LZTS1: variants seen among roughly 807,000 people sequenced by gnomAD.
The protein encoded by LZTS1 is leucine zipper tumor suppressor 1, also known as leucine zipper putative tumor suppressor 1.
A neutral mutation model predicts 45.8 loss-of-function variants in LZTS1; 31 were observed. The ratio of observed to expected loss-of-function variants is 0.68; its 90% CI spans 0.51 to 0.91. The LOEUF is 0.91. LZTS1 is among the 40% of genes least tolerant of loss of function. The probability of loss-of-function intolerance (pLI) is 0.00; values close to 1 mark genes in which losing one functional copy is unlikely to be tolerated. For missense variants in LZTS1, 821 were observed against 788.9 expected (o/e 1.04, Z -0.49); for synonymous variants, 359 against 357.3 (o/e 1.00, Z -0.05).
chr8:20,296,769 CT>C (rs1344246556), intron 1 of LZTS1, among the ~76,000 whole-genome samples: 1 of 152,128 alleles, frequency 6.6e-6, no homozygotes, highest in Non-Finnish European at 1.5e-5. Flanking sequence ...GAAGGCAGCC[CT>C]ATCTTCTCCC....
At chr8:20,260,860 T>A (rs1800213828) in intron 1 of LZTS1, among the ~76,000 whole-genome samples, 1 of 152,090 alleles carries the variant, frequency 6.6e-6, no homozygotes, top group African/African-American at 2.4e-5. Flanking sequence ...ACTCCCCAGG[T>A]CTTGACACAC....
intron 1 of LZTS1, among the ~76,000 whole-genome samples, chr8:20,281,648 G>T (rs1800696079): frequency 6.6e-6 from 1 of 152,130 alleles, no homozygotes; most frequent in Admixed American, 6.5e-5. Flanking sequence ...ACAAGAGCTG[G>T]TCATTGAAAA....
chr8:20,261,783 C>G (rs1220034632), intron 1 of LZTS1, among the ~76,000 whole-genome samples: 1 of 152,256 alleles, frequency 6.6e-6, no homozygotes, highest in Non-Finnish European at 1.5e-5. Flanking sequence ...CGGGTTCTGG[C>G]TGGGAAAGGA....
At chr8:20,275,795 C>A (rs60124846) in intron 1 of LZTS1, 38,911 of 151,982 alleles carry the variant, frequency 0.26, 5,824 homozygotes, top group African/African-American at 0.41. Context: ...TAGGAGCTTA[C>A]TGCAGTGACT....
chr8:20,249,598 C>A lies in LZTS1; in HGVS notation c.*124G>T. 1 of 1,251,210 alleles carries A rather than the reference C, an allele frequency of 8.0e-7. No homozygotes were observed. Among genetic ancestry groups the A allele is most frequent in the African/African-American group, 1.5e-5 (1 of 66,366 alleles). 77.5% of individuals were successfully genotyped at this position (1,251,210 alleles called of 1,614,324 possible). A position where few individuals can be genotyped will look rare whatever the true frequency, so the allele number is the denominator to read the frequency against. On this transcript the variant is annotated 3_prime_UTR_variant, in exon 4 of 4. Transcript: ENST00000381569. ...GCCATCCTGCCCTCCCCTCGGGGGTCCTGGGTCTGTGTCCCAGGGAGTGGC... is the reference window on the plus strand; with the variant it reads ...GCCATCCTGCCCTCCCCTCGGGGGTACTGGGTCTGTGTCCCAGGGAGTGGC...
chr8:20,259,883 T>C (rs376304280), intron 1 of LZTS1, among the ~76,000 whole-genome samples: 66 of 143,726 alleles, frequency 4.6e-4, no homozygotes, highest in Non-Finnish European at 8.5e-4. Flanking sequence ...CCTGTACTAA[T>C]CTTATTATTT....
chr8:20,294,500 G>A (rs1208372288), intron 1 of LZTS1, among the ~76,000 whole-genome samples: 1 of 152,176 alleles, frequency 6.6e-6, no homozygotes, highest in Non-Finnish European at 1.5e-5. Context: ...GTGGAGGCTG[G>A]GGGCTCCGCC....
chr8:20,263,748 G>T (rs1800293879), intron 1 of LZTS1, among the ~76,000 whole-genome samples: 3 of 152,150 alleles, frequency 2.0e-5, no homozygotes, highest in Admixed American at 2.0e-4. Flanking sequence ...GGAAGAAGGG[G>T]TCTGGGTGGT....
chr8:20,249,953 C>G lies in LZTS1; in HGVS notation c.1560G>C (p.Gln520His). 3 of 1,614,154 alleles carry G rather than the reference C, an allele frequency of 1.9e-6. No homozygotes were observed. Among genetic ancestry groups the G allele is most frequent in the Admixed American group, 1.7e-5 (1 of 60,032 alleles). Reference protein sequence around the residue: ...ELREERQGHDQMSSGFQHERL... With the variant: ...ELREERQGHDHMSSGFQHERL... ...GCTCATGCTGGAAGCCCGAGGACAT[C>G]TGGTCATGGCCTTGCCGCTCCTCCC... Residue 520 changes from glutamine (Q) to histidine (H), a missense_variant, in exon 4 of 4, where the codon CAG (glutamine) becomes CAC (histidine). Gln to His is a conservative substitution (Grantham distance 24). Transcript: ENST00000381569.
chr8:20,246,298 C>T lies in LZTS1; in HGVS notation c.*3424G>A, dbSNP rs922352460. The T allele has an allele frequency of 6.6e-6, 1 of 152,478 alleles. No homozygotes were observed. The highest frequency in any genetic ancestry group is 1.5e-5 in the Non-Finnish European group (1 of 68,026). 9.4% of individuals were successfully genotyped at this position (152,478 alleles called of 1,614,324 possible). ...AAGCAAACCAAACCAAACAAGAAACCACAAAGAGAAAAATAACTATGTACA... is the reference window on the plus strand; with the variant it reads ...AAGCAAACCAAACCAAACAAGAAACTACAAAGAGAAAAATAACTATGTACA... On this transcript the variant is annotated 3_prime_UTR_variant, in exon 4 of 4. Coordinates refer to ENST00000381569, the MANE Select transcript of LZTS1 (RefSeq NM_021020.5).
intron 1 of LZTS1, among the ~76,000 whole-genome samples, chr8:20,279,271 T>C (rs7843875): frequency 0.59 from 90,402 of 152,054 alleles, 27,328 homozygotes; most frequent in Middle Eastern, 0.64. Context: ...TCCCCTCTGC[T>C]AGTCTTTGGG....
chr8:20,269,789 C>T (rs978732257), intron 1 of LZTS1, among the ~76,000 whole-genome samples: 3 of 152,124 alleles, frequency 2.0e-5, no homozygotes, highest in African/African-American at 7.2e-5. Flanking sequence ...GCCTTTGTAC[C>T]TCCCCTCTCT....
intron 1 of LZTS1, among the ~76,000 whole-genome samples, chr8:20,267,003 G>A (rs187652401): frequency 2.0e-5 from 3 of 151,476 alleles, no homozygotes; most frequent in Non-Finnish European, 2.9e-5. Flanking sequence ...AGCCACTCAG[G>A]AGGCTGAGGC....
At chr8:20,292,523 G>A (rs2128899093) in intron 1 of LZTS1, among the ~76,000 whole-genome samples, 1 of 152,344 alleles carries the variant, frequency 6.6e-6, no homozygotes, top group East Asian at 1.9e-4. Context: ...GGACAGAAAA[G>A]GCAGAGGAAC....
intron 1 of LZTS1, among the ~76,000 whole-genome samples, chr8:20,293,830 A>G (rs1488638179): frequency 6.6e-6 from 1 of 152,150 alleles, no homozygotes; most frequent in African/African-American, 2.4e-5. Context: ...GCTACCAGGG[A>G]GGCTGATGTG....
chr8:20,252,763 G>A lies in LZTS1; in HGVS notation c.1149+19C>T, dbSNP rs780594924. On this transcript the variant is annotated intron_variant, in intron 3 of 3. Coordinates refer to ENST00000381569, the MANE Select transcript of LZTS1 (RefSeq NM_021020.5). ...CAAACCGCTGACCACCCAAACCCATGAGCCCTGTGTGGCCTCACCTCCCAC... is the reference window on the plus strand; with the variant it reads ...CAAACCGCTGACCACCCAAACCCATAAGCCCTGTGTGGCCTCACCTCCCAC... 6.7e-7 allele frequency: 1 copy of A among 1,502,156 alleles called. No individual in the cohort carries two copies. The highest frequency in any genetic ancestry group is 1.4e-5 in the African/African-American group (1 of 71,464). 93.1% of individuals were successfully genotyped at this position (1,502,156 alleles called of 1,614,324 possible). A position where few individuals can be genotyped will look rare whatever the true frequency, so the allele number is the denominator to read the frequency against.
intron 1 of LZTS1, among the ~76,000 whole-genome samples, chr8:20,283,752 G>C (rs906453062): frequency 2.6e-5 from 4 of 152,128 alleles, no homozygotes; most frequent in Admixed American, 6.6e-5. Context: ...ATGTTAGCTT[G>C]GCTGGAGTGC....
At chr8:20,295,815 C>T (rs1396034796) in intron 1 of LZTS1, among the ~76,000 whole-genome samples, 2 of 152,114 alleles carry the variant, frequency 1.3e-5, no homozygotes, top group African/African-American at 4.8e-5. Flanking sequence ...GTGGACCCCT[C>T]TGTCTCCTCC....
chr8:20,262,608 A>T (rs1800259637), intron 1 of LZTS1, among the ~76,000 whole-genome samples: 1 of 152,196 alleles, frequency 6.6e-6, no homozygotes, highest in South Asian at 2.1e-4. Context: ...AGCATGTGCA[A>T]AGAAAGGTGC....
Sources: gnomAD v4.1 joint callset for allele counts (sites outside exome capture counted in the v4.1 genomes callset) on GRCh38, gnomAD v4.1.1 for gene constraint, MANE v1.5 for transcripts, NCBI Gene and HGNC (gene_info 2026-07-23, HGNC 2026-07-21) for gene names.